Variants in CHCHD6 observed in about 807,000 individuals in gnomAD.
CHCHD6 encodes the protein coiled-coil-helix-coiled-coil-helix domain containing 6.
In CHCHD6, 28 loss-of-function variants were observed where a neutral mutation model predicts 32.3. That is an observed-to-expected ratio of 0.87 (90% CI 0.64 to 1.19). The LOEUF (loss-of-function observed/expected upper bound fraction) is 1.19, where lower values mean the gene tolerates loss of function less well. Ranked by LOEUF, CHCHD6 falls within the 50% of genes most tolerant of loss-of-function variation. The pLI is 0.00. For synonymous variants in CHCHD6, 122 were observed against 117.5 expected (o/e 1.04, Z -0.25); for missense variants, 333 against 307.0 (o/e 1.08, Z -0.63).
intron 3 of CHCHD6, among the ~76,000 whole-genome samples, chr3:126,731,957 T>C (rs977333533): frequency 4.0e-5 from 6 of 151,656 alleles, no homozygotes; most frequent in African/African-American, 1.5e-4. Context: ...CACATGCCTG[T>C]AGTCCCAGCT....
chr3:126,774,582 A>G (rs903054218), intron 4 of CHCHD6, among the ~76,000 whole-genome samples: 5 of 152,194 alleles, frequency 3.3e-5, no homozygotes, highest in African/African-American at 1.2e-4. Flanking sequence ...GCACCTGCTT[A>G]CTGCTCCCCA....
intron 6 of CHCHD6, among the ~76,000 whole-genome samples, chr3:126,953,355 G>A (rs2078742465): frequency 2.6e-5 from 4 of 152,208 alleles, no homozygotes; most frequent in South Asian, 2.1e-4. Context: ...ACTAGGTCTC[G>A]AATGATATCA....
At chr3:126,815,588 T>G (rs1396744796) in intron 4 of CHCHD6, among the ~76,000 whole-genome samples, 1 of 151,674 alleles carries the variant, frequency 6.6e-6, no homozygotes, top group African/African-American at 2.4e-5. Flanking sequence ...AAGTCTCTGC[T>G]CTTTCCATAG....
rs1474954444 is a variant in CHCHD6, at chr3:126,957,482, C to T, written c.633C>T (p.Arg211=). 35 of 1,607,132 alleles carry T rather than the reference C, an allele frequency of 2.2e-5. No individual in the cohort carries two copies. The highest frequency in any genetic ancestry group is 2.8e-5 in the Non-Finnish European group (33 of 1,177,126). The part of the protein sequence containing the change: ...QAQILHCYRD[R]PHEVLLCSDL... ...AGATTCTCCACTGCTACCGAGATCGCCCGCATGAGGTGCTGCTGTGCTCGG... is the reference window on the plus strand; with the variant it reads ...AGATTCTCCACTGCTACCGAGATCGTCCGCATGAGGTGCTGCTGTGCTCGG... Residue 211 remains arginine, a synonymous_variant, in exon 7 of 8, where the codon CGC becomes CGT. Coordinates refer to ENST00000290913, the MANE Select transcript of CHCHD6 (RefSeq NM_032343.3).
At chr3:126,870,931 T>C (rs767221857) in intron 5 of CHCHD6, among the ~76,000 whole-genome samples, 2 of 152,216 alleles carry the variant, frequency 1.3e-5, no homozygotes, top group Non-Finnish European at 2.9e-5. Flanking sequence ...TGTCTTGTCT[T>C]GGGCATCTTC....
chr3:126,936,824 G>C (rs1446485296), intron 6 of CHCHD6, among the ~76,000 whole-genome samples: 2 of 152,132 alleles, frequency 1.3e-5, no homozygotes, highest in Non-Finnish European at 2.9e-5. Context: ...CAAAGTACTG[G>C]GATTACAGGC....
Position 126,953,141 on chromosome 3 carries a change from C to G in CHCHD6, c.567-4275C>G, listed in dbSNP as rs550017187. On this transcript the variant is annotated intron_variant, in intron 6 of 7. Transcript: ENST00000290913. ...GGGGTCCTCCCCCATACCTGATGCA[C>G]CGACCACACAGTGGAAAGTGACAAA... The G allele has an allele frequency of 6.1e-6, 6 of 985,378 alleles. No homozygotes were observed. The South Asian group carries it at 2.8e-4, about 46-fold the overall frequency. The allele number at this position is 985,378 out of a possible 1,614,324, so 61.0% of individuals were successfully genotyped here. A position where few individuals can be genotyped will look rare whatever the true frequency, so the allele number is the denominator to read the frequency against.
At chr3:126,933,401 G>A (rs1403450682) in intron 6 of CHCHD6, among the ~76,000 whole-genome samples, 1 of 152,154 alleles carries the variant, frequency 6.6e-6, no homozygotes, top group Non-Finnish European at 1.5e-5. Flanking sequence ...TTGCATTGCT[G>A]TAAAGGAATA....
At chr3:126,924,426 T>C (rs534538434) in intron 6 of CHCHD6, among the ~76,000 whole-genome samples, 171 of 152,336 alleles carry the variant, frequency 1.1e-3, no homozygotes, top group African/African-American at 3.9e-3. Context: ...CTCTCACGTA[T>C]AGCTTGTATA....
rs377355103 is a variant in CHCHD6, at chr3:126,912,933, C to T, written c.496-1747C>T. Among the ~76,000 whole-genome samples, 86 of 147,494 alleles carry T rather than the reference C, an allele frequency of 5.8e-4. 2 individuals are homozygous for T. The South Asian group carries it at 0.016, about 27-fold the overall frequency. On this transcript the variant is annotated intron_variant, in intron 5 of 7. Transcript: ENST00000290913. Reference sequence around the variant, plus strand: ...TCCCTGCAGAAGGCCGAGGGGGGTCCGTGGTGCACAGGAAGTGCTTTCCCT... The same window carrying T: ...TCCCTGCAGAAGGCCGAGGGGGGTCTGTGGTGCACAGGAAGTGCTTTCCCT...
At chr3:126,901,069 G>T (rs538004084) in intron 5 of CHCHD6, among the ~76,000 whole-genome samples, 1 of 152,224 alleles carries the variant, frequency 6.6e-6, no homozygotes, top group South Asian at 2.1e-4. Flanking sequence ...GTAGGGACAC[G>T]GATCCAAACC....
At chr3:126,767,011 G>T in intron 4 of CHCHD6, 1 of 866,240 alleles carries the variant, frequency 1.2e-6, no homozygotes, top group Non-Finnish European at 1.9e-6. Flanking sequence ...AGCTACATTT[G>T]GTACAGGCAG....
chr3:126,744,090 C>T (rs1450967413), intron 4 of CHCHD6, among the ~76,000 whole-genome samples: 1 of 151,694 alleles, frequency 6.6e-6, no homozygotes, highest in Non-Finnish European at 1.5e-5. Flanking sequence ...GCAGCCCTTA[C>T]AGCCCTAGGA....
chr3:126,900,634 C>T (rs892923134), intron 5 of CHCHD6, among the ~76,000 whole-genome samples: 27 of 105,476 alleles, frequency 2.6e-4, no homozygotes, highest in South Asian at 2.0e-3. Context: ...GGCGGAGTTT[C>T]GCTCTTGTTG....
chr3:126,817,777 C>T (rs2107534731), intron 4 of CHCHD6, among the ~76,000 whole-genome samples: 1 of 152,344 alleles, frequency 6.6e-6, no homozygotes, highest in Admixed American at 6.5e-5. Flanking sequence ...TTCCCCTCTT[C>T]TGCCCAGGAC....
rs190404532 is a variant in CHCHD6, at chr3:126,869,513, A to G, written c.495+16783A>G. On this transcript the variant is annotated intron_variant, in intron 5 of 7. Coordinates refer to ENST00000290913, the MANE Select transcript of CHCHD6 (RefSeq NM_032343.3). ...GCATGGTGATGGTACAAAATTTTGC[A>G]TATAATTATTGATACGGCTGAGCAT... 9.6e-3 allele frequency among the ~76,000 whole-genome samples: 1,464 copies of G among 152,126 alleles called. 6 individuals carry two copies. The highest frequency in any genetic ancestry group is 0.017 in the Non-Finnish European group (1,163 of 67,982).
chr3:126,742,964 G>C (rs542006296), intron 4 of CHCHD6, among the ~76,000 whole-genome samples: 8 of 152,242 alleles, frequency 5.3e-5, no homozygotes, highest in Non-Finnish European at 8.8e-5. Flanking sequence ...CCCTGGTAGT[G>C]GGGAGAAGGA....
chr3:126,881,548 C>T (rs2077610320), intron 5 of CHCHD6, among the ~76,000 whole-genome samples: 1 of 152,162 alleles, frequency 6.6e-6, no homozygotes, highest in African/African-American at 2.4e-5. Flanking sequence ...AGAGCTGACC[C>T]TCATTGCCCA....
chr3:126,914,042 C>G (rs1006940270), intron 5 of CHCHD6, among the ~76,000 whole-genome samples: 18 of 152,162 alleles, frequency 1.2e-4, no homozygotes, highest in Non-Finnish European at 2.5e-4. Context: ...TGGATGCTCC[C>G]CTTAACAATC....
Sources: gnomAD v4.1 joint callset for allele counts (sites outside exome capture counted in the v4.1 genomes callset) on GRCh38, gnomAD v4.1.1 for gene constraint, MANE v1.5 for transcripts, NCBI Gene and HGNC (gene_info 2026-07-23, HGNC 2026-07-21) for gene names.